RIMS3: variants seen among roughly 807,000 people sequenced by gnomAD.
RIMS3 encodes the protein regulating synaptic membrane exocytosis 3.
A neutral mutation model predicts 29.2 loss-of-function variants in RIMS3; 15 were observed. That is an observed-to-expected ratio of 0.51 (90% CI 0.34 to 0.79). The LOEUF is 0.79. RIMS3 is among the 30% of genes least tolerant of loss of function. RIMS3 has a pLI of 0.01. For synonymous variants in RIMS3, 161 were observed against 170.1 expected (o/e 0.95, Z 0.41); for missense variants, 342 against 421.4 (o/e 0.81, Z 1.65).
chr1:40,655,635 G>A lies in RIMS3; in HGVS notation c.-206-7793C>T, dbSNP rs115398205. Among the ~76,000 whole-genome samples the A allele has an allele frequency of 4.2e-3, 647 of 152,268 alleles. 7 individuals are homozygous for A. Among genetic ancestry groups the A allele is most frequent in the African/African-American group, 0.014 (581 of 41,524 alleles). On this transcript the variant is annotated intron_variant, in intron 1 of 7. Transcript: ENST00000372684. ...ATCTAGGTCAACAGTGCACATTTCCGACATCCCCATACCACTTCCCAATTT... is the reference window on the plus strand; with the variant it reads ...ATCTAGGTCAACAGTGCACATTTCCAACATCCCCATACCACTTCCCAATTT...
chr1:40,665,835 T>C (rs1364507626), upstream of RIMS3, among the ~76,000 whole-genome samples: 1 of 152,298 alleles, frequency 6.6e-6, no homozygotes, highest in Admixed American at 6.5e-5. Flanking sequence ...TTGGGGGACC[T>C]ACATTAATGA....
intron 2 of RIMS3, among the ~76,000 whole-genome samples, chr1:40,643,775 A>G (rs911956483): frequency 1.3e-5 from 2 of 152,102 alleles, no homozygotes; most frequent in Non-Finnish European, 2.9e-5. Context: ...CACCACGCCC[A>G]GCCTAAGCAT....
rs1429113487 is a variant in RIMS3, at chr1:40,636,170, G to T, written c.218-113C>A. ...CTTGGCATGGGGGGTTGATGGGGAGGATGAGCAGGGCTCTGACTGGAGGCA... is the reference window on the plus strand; with the variant it reads ...CTTGGCATGGGGGGTTGATGGGGAGTATGAGCAGGGCTCTGACTGGAGGCA... On this transcript the variant is annotated intron_variant, in intron 3 of 7. Transcript: ENST00000372684. The surrounding 1 kb of genome is among the most constrained non-coding windows in gnomAD (Gnocchi z 4.2). The T allele has an allele frequency of 3.0e-6, 4 of 1,348,594 alleles. No individual in the cohort carries two copies. In the Admixed American group the frequency reaches 7.5e-5, roughly 25 times the overall value. 83.5% of individuals were successfully genotyped at this position (1,348,594 alleles called of 1,614,324 possible).
At position 40,621,375 on chromosome 1, in the gene RIMS3, G is replaced by A. The variant is rs1317563988; in HGVS notation, c.*5142C>T. The A allele has an allele frequency of 6.6e-6, 1 of 152,206 alleles. No individual in the cohort carries two copies. Among genetic ancestry groups the A allele is most frequent in the Non-Finnish European group, 1.5e-5 (1 of 68,054 alleles). 9.4% of individuals were successfully genotyped at this position (152,206 alleles called of 1,614,324 possible). The stretch of plus-strand genomic sequence containing the variant: ...CTCATCATTACACAAGAATAAAAGA[G>A]GGAGGACAAACCACGAAGAGAGGAA... On this transcript the variant is annotated 3_prime_UTR_variant, in exon 8 of 8. Coordinates refer to ENST00000372684, the MANE Select transcript of RIMS3 (RefSeq NM_014747.3).
chr1:40,626,162 C>T lies in RIMS3; in HGVS notation c.*355G>A, dbSNP rs1646452174. On this transcript the variant is annotated 3_prime_UTR_variant, in exon 8 of 8. Coordinates refer to ENST00000372684, the MANE Select transcript of RIMS3 (RefSeq NM_014747.3). ...GGCAGCACCGACCAGTGGCCGCATG[C>T]CCCACCTCCATCCCTGGAGACTCCT... 3 of 362,264 alleles carry T rather than the reference C, an allele frequency of 8.3e-6. No homozygotes were observed. The highest frequency in any genetic ancestry group is 4.2e-5 in the African/African-American group (2 of 47,664). The allele number at this position is 362,264 out of a possible 1,614,324, so 22.4% of individuals were successfully genotyped here.
the RIMS3 span, among the ~76,000 whole-genome samples, chr1:40,672,203 T>C: frequency 6.8e-6 from 1 of 148,038 alleles, no homozygotes; most frequent in Non-Finnish European, 1.5e-5. Flanking sequence ...GATTTTTTTT[T>C]TTTTTTTTTT....
chr1:40,671,740 C>A, the RIMS3 span, among the ~76,000 whole-genome samples: 1 of 151,680 alleles, frequency 6.6e-6, no homozygotes, highest in African/African-American at 2.4e-5. Flanking sequence ...GCCAATTAAA[C>A]CCCTTTCCTT....
At chr1:40,662,736 G>A (rs1283342095) in intron 1 of RIMS3, among the ~76,000 whole-genome samples, 1 of 152,172 alleles carries the variant, frequency 6.6e-6, no homozygotes, top group African/African-American at 2.4e-5. Context: ...CTCTAGACTA[G>A]GTACTATACA....
upstream of RIMS3, among the ~76,000 whole-genome samples, chr1:40,668,586 G>C (rs373288898): frequency 1.4e-4 from 21 of 151,438 alleles, no homozygotes; most frequent in African/African-American, 4.8e-4. Context: ...ATTCGACACT[G>C]AAATAAATTC....
intron 1 of RIMS3, among the ~76,000 whole-genome samples, chr1:40,653,647 TACAGGAAGG>T (rs1489192405): frequency 6.6e-6 from 1 of 152,260 alleles, no homozygotes; most frequent in Non-Finnish European, 1.5e-5. Flanking sequence ...TCAATCCTAG[TACAGGAAGG>T]ACAATTTCCA....
intron 1 of RIMS3, among the ~76,000 whole-genome samples, chr1:40,664,475 C>T (rs556287546): frequency 1.6e-4 from 25 of 152,260 alleles, no homozygotes; most frequent in African/African-American, 5.5e-4. Context: ...GAGGACAGGA[C>T]CAAAGGAGCA....
chr1:40,655,903 C>CT (rs1352396285), intron 1 of RIMS3, among the ~76,000 whole-genome samples: 7 of 152,330 alleles, frequency 4.6e-5, no homozygotes, highest in Admixed American at 2.0e-4. Context: ...ATCCCAGCTA[C>CT]TTGGGAGGCT....
At position 40,654,913 on chromosome 1, in the gene RIMS3, C is replaced by T. The variant is rs2148357964; in HGVS notation, c.-206-7071G>A. ...CAAACATTCACCATGGACACACAAG[C>T]ACACACCCCACACTCTACCCAGGCC... On this transcript the variant is annotated intron_variant, in intron 1 of 7. Coordinates refer to ENST00000372684, the MANE Select transcript of RIMS3 (RefSeq NM_014747.3). The surrounding 1 kb of genome is among the most constrained non-coding windows in gnomAD (Gnocchi z 5.3). Among the ~76,000 whole-genome samples the T allele has an allele frequency of 6.6e-6, 1 of 152,298 alleles. No homozygotes were observed. Among genetic ancestry groups the T allele is most frequent in the African/African-American group, 2.4e-5 (1 of 41,550 alleles).
chr1:40,634,889 T>C (rs891891589), intron 4 of RIMS3, among the ~76,000 whole-genome samples: 12 of 148,318 alleles, frequency 8.1e-5, no homozygotes, highest in African/African-American at 3.0e-4. Flanking sequence ...TGTGGTGAGC[T>C]GAGATTGCAC....
chr1:40,634,941 CAA>C (rs111853416), intron 4 of RIMS3, among the ~76,000 whole-genome samples: 2 of 93,102 alleles, frequency 2.1e-5, no homozygotes, highest in Non-Finnish European at 2.2e-5. Context: ...AACTCCATCA[CAA>C]AAAAAAAAAA....
At chr1:40,629,524 G>T in intron 5 of RIMS3, 152 bp from the exon 6 acceptor site, 3 of 699,870 alleles carry the variant, frequency 4.3e-6, no homozygotes, top group East Asian at 2.8e-5. Flanking sequence ...ACTGCTCTCG[G>T]AAGACCACTT....
Position 40,623,511 on chromosome 1 carries a change from C to T in RIMS3, c.*3006G>A, listed in dbSNP as rs1646434855. ...CATATGCACAGTGAACCTCGCCTGA[C>T]CAGAGGAGGTGGAATGACAAAGAGC... On this transcript the variant is annotated 3_prime_UTR_variant, in exon 8 of 8. Transcript: ENST00000372684. 5.0e-6 allele frequency: 2 copies of T among 398,536 alleles called. No individual in the cohort carries two copies. The highest frequency in any genetic ancestry group is 4.4e-6 in the Non-Finnish European group (1 of 226,120). The allele number at this position is 398,536 out of a possible 1,614,324, so 24.7% of individuals were successfully genotyped here. A position where few individuals can be genotyped will look rare whatever the true frequency, so the allele number is the denominator to read the frequency against.
intron 2 of RIMS3, among the ~76,000 whole-genome samples, chr1:40,645,547 A>G (rs1413121417): frequency 1.3e-5 from 2 of 152,068 alleles, no homozygotes; most frequent in Non-Finnish European, 2.9e-5. Flanking sequence ...GGGCCCTTTG[A>G]GAAAACTAAA....
rs188210579 is a variant in RIMS3 at position 40,624,405 on chromosome 1, A to G, written c.*2112T>C. ...GGAGTTTCCTTCTTGATCCCCCACT[A>G]GGGTCGAGGAGGACAGAGCCCTTTG... On this transcript the variant is annotated 3_prime_UTR_variant, in exon 8 of 8. Transcript: ENST00000372684. The G allele has an allele frequency of 6.6e-6, 1 of 152,372 alleles. No homozygotes were observed. The highest frequency in any genetic ancestry group is 2.4e-5 in the African/African-American group (1 of 41,576). The allele number at this position is 152,372 out of a possible 1,614,324, so 9.4% of individuals were successfully genotyped here. A position where few individuals can be genotyped will look rare whatever the true frequency, so the allele number is the denominator to read the frequency against.
Sources: gnomAD v4.1 joint callset for allele counts (sites outside exome capture counted in the v4.1 genomes callset) on GRCh38, gnomAD v4.1.1 for gene constraint, Gnocchi (gnomAD v3.1) non-coding constraint, MANE v1.5 for transcripts, NCBI Gene and HGNC (gene_info 2026-07-23, HGNC 2026-07-21) for gene names.